KIF26B: variants seen among roughly 807,000 people sequenced by gnomAD.
The protein encoded by KIF26B is kinesin family member 26B.
KIF26B carries 63 observed loss-of-function variants against 151.2 expected under a neutral mutation model. That is an observed-to-expected ratio of 0.42 (90% confidence interval 0.34 to 0.51). The LOEUF (loss-of-function observed/expected upper bound fraction) is 0.51. Among genes scored for constraint, KIF26B ranks in the 20% least tolerant of loss-of-function variants. The pLI is 0.07. For missense variants in KIF26B, 2,813 were observed against 2,913.6 expected (o/e 0.97, Z 0.79); for synonymous variants, 1,357 against 1,262.1 (o/e 1.08, Z -1.59).
At position 245,213,052 on chromosome 1, in the gene KIF26B, C is replaced by T. The variant is rs138945818; in HGVS notation, c.465+56369C>T. Among the ~76,000 whole-genome samples the T allele has an allele frequency of 2.8e-3, 428 of 152,290 alleles. 1 individual carries two copies. The highest frequency in any genetic ancestry group is 9.6e-3 in the African/African-American group (401 of 41,560). On this transcript the variant is annotated intron_variant, in intron 2 of 14. Coordinates refer to ENST00000407071, the MANE Select transcript of KIF26B (RefSeq NM_018012.4). ...TCAGTGTGGCTTTCCAAGGGGGGAG[C>T]AAATAAAACCCTAAGGTAGCCAGAG...
chr1:245,175,105 GA>G (rs1341558382), intron 2 of KIF26B, among the ~76,000 whole-genome samples: 2 of 152,192 alleles, frequency 1.3e-5, no homozygotes, highest in African/African-American at 4.8e-5. Context: ...CCACCAGGGT[GA>G]AAAGCTAGAA....
chr1:245,455,316 C>T (rs528006882), intron 4 of KIF26B, among the ~76,000 whole-genome samples: 1 of 152,160 alleles, frequency 6.6e-6, no homozygotes, highest in South Asian at 2.1e-4. Context: ...CCATCCTGGC[C>T]AACATGGTGA....
intron 2 of KIF26B, among the ~76,000 whole-genome samples, chr1:245,365,518 C>G (rs552897885): frequency 9.9e-5 from 15 of 151,202 alleles, no homozygotes; most frequent in African/African-American, 3.7e-4. Context: ...ACAACTCCCC[C>G]CCACCAGCCT....
At chr1:245,585,804 A>G (rs2043218340) in intron 5 of KIF26B, among the ~76,000 whole-genome samples, 1 of 152,208 alleles carries the variant, frequency 6.6e-6, no homozygotes. Flanking sequence ...CTGATTCATT[A>G]TCCTTCATGC....
chr1:245,463,556 A>T (rs1659700527), intron 4 of KIF26B, among the ~76,000 whole-genome samples: 1 of 152,204 alleles, frequency 6.6e-6, no homozygotes, highest in African/African-American at 2.4e-5. Context: ...ATCGTTGGGA[A>T]GTGCAGAGGT....
chr1:245,300,445 T>G (rs927397537), intron 2 of KIF26B, among the ~76,000 whole-genome samples: 1 of 152,160 alleles, frequency 6.6e-6, no homozygotes, highest in Non-Finnish European at 1.5e-5. Flanking sequence ...TTAAAAAGGG[T>G]TTTCTGTCTT....
Position 245,698,861 on chromosome 1 carries a change from C to A in KIF26B, c.6028-26C>A. On this transcript the variant is annotated intron_variant, in intron 13 of 14. Coordinates refer to ENST00000407071, the MANE Select transcript of KIF26B (RefSeq NM_018012.4). This position sits in a 1 kb window ranked among gnomAD's most constrained non-coding sequence, Gnocchi z 4.0. ...TGGGCTGGGTGTGAGCAGAAGGGCC[C>A]TTTCTCCTCTCTGTCTGTGTGCTAG... The A allele has an allele frequency of 6.2e-7, 1 of 1,606,674 alleles. No homozygotes were observed. Among genetic ancestry groups the A allele is most frequent in the Non-Finnish European group, 8.5e-7 (1 of 1,174,956 alleles).
intron 2 of KIF26B, among the ~76,000 whole-genome samples, chr1:245,196,493 G>C (rs928202795): frequency 1.3e-5 from 2 of 152,016 alleles, no homozygotes; most frequent in African/African-American, 4.8e-5. Flanking sequence ...CAGACCTCTC[G>C]GTCTCCTCCC....
intron 2 of KIF26B, among the ~76,000 whole-genome samples, chr1:245,222,228 G>A (rs1421850174): frequency 6.6e-6 from 1 of 152,196 alleles, no homozygotes; most frequent in Non-Finnish European, 1.5e-5. Flanking sequence ...CCTGAGGTCA[G>A]GAGTTCGAGA....
intron 4 of KIF26B, among the ~76,000 whole-genome samples, chr1:245,452,634 C>T (rs762976862): frequency 6.6e-6 from 1 of 151,940 alleles, no homozygotes; most frequent in Non-Finnish European, 1.5e-5. Flanking sequence ...AAAGTTATGG[C>T]CATTCTATTA....
intron 3 of KIF26B, among the ~76,000 whole-genome samples, chr1:245,368,294 CT>C (rs745392013): frequency 1.3e-5 from 2 of 152,122 alleles, no homozygotes; most frequent in Non-Finnish European, 2.9e-5. Context: ...CCCAGGGAAT[CT>C]TTAAAGATGT....
chr1:245,174,563 G>A (rs1668771166), intron 2 of KIF26B, among the ~76,000 whole-genome samples: 1 of 152,220 alleles, frequency 6.6e-6, no homozygotes, highest in South Asian at 2.1e-4. Context: ...CTGGAGTGCA[G>A]TGGTGCAATC....
chr1:245,427,188 T>C (rs1658667870), intron 4 of KIF26B, among the ~76,000 whole-genome samples: 1 of 152,192 alleles, frequency 6.6e-6, no homozygotes, highest in Non-Finnish European at 1.5e-5. Flanking sequence ...GAGCTGGGTG[T>C]CTGAGATCCA....
intron 2 of KIF26B, among the ~76,000 whole-genome samples, chr1:245,193,671 T>G (rs1196022001): frequency 6.6e-6 from 1 of 152,224 alleles, no homozygotes; most frequent in Non-Finnish European, 1.5e-5. Flanking sequence ...TAGGTACTGT[T>G]ATCATCCCAG....
At chr1:245,415,937 A>T (rs1418735201) in intron 3 of KIF26B, among the ~76,000 whole-genome samples, 1 of 151,994 alleles carries the variant, frequency 6.6e-6, no homozygotes, top group African/African-American at 2.4e-5. Flanking sequence ...TTTGACAGTG[A>T]TGAGGATGGG....
rs1672259392 is a variant in KIF26B at position 245,337,529 on chromosome 1, TG to T, written c.466-29304del. Among the ~76,000 whole-genome samples the T allele has an allele frequency of 1.2e-4, 11 of 92,642 alleles. No individual in the cohort carries two copies. In the Middle Eastern group the frequency reaches 0.016, roughly 136 times the overall value. 60.8% of individuals were successfully genotyped at this position (92,642 alleles called of 152,430 possible). A position where few individuals can be genotyped will look rare whatever the true frequency, so the allele number is the denominator to read the frequency against. On this transcript the variant is annotated intron_variant, in intron 2 of 14. Coordinates refer to ENST00000407071, the MANE Select transcript of KIF26B (RefSeq NM_018012.4). ...GAAGTACTTAGGAAATGTGTGTGTG[TG>T]TGTGTGTGTGTGTGTGTGTGTGTGT...
chr1:245,616,492 G>A (rs1168816068), intron 9 of KIF26B, among the ~76,000 whole-genome samples: 2 of 152,204 alleles, frequency 1.3e-5, no homozygotes, highest in Non-Finnish European at 2.9e-5. Context: ...ATTGTTTTCC[G>A]ATTTTGGAAT....
intron 2 of KIF26B, among the ~76,000 whole-genome samples, chr1:245,361,444 C>T (rs546060167): frequency 5.9e-5 from 9 of 152,316 alleles, no homozygotes; most frequent in South Asian, 2.1e-4. Context: ...CATGTCTTCA[C>T]GCCTTTACAT....
chr1:245,679,457 GTTTTTTTTTTTTTT>G (rs35663208), intron 10 of KIF26B, among the ~76,000 whole-genome samples: 4 of 59,210 alleles, frequency 6.8e-5, no homozygotes, highest in Middle Eastern at 0.019. Context: ...TTTTGTGTGT[GTTTTTTTTTTTTTT>G]TTTTTTTTTT....
Sources: gnomAD v4.1 joint callset for allele counts (sites outside exome capture counted in the v4.1 genomes callset) on GRCh38, gnomAD v4.1.1 for gene constraint, Gnocchi (gnomAD v3.1) non-coding constraint, MANE v1.5 for transcripts, NCBI Gene and HGNC (gene_info 2026-07-23, HGNC 2026-07-21) for gene names.